Variants in RAD52 observed in about 807,000 individuals in gnomAD.
RAD52 encodes RAD52 DNA repair protein.
Under a neutral mutation model 55.5 loss-of-function variants are expected in RAD52, and 47 were observed. The ratio of observed to expected loss-of-function variants is 0.85; its 90% CI spans 0.67 to 1.08. The LOEUF (loss-of-function observed/expected upper bound fraction) is 1.08. Ranked by LOEUF, RAD52 falls within the 50% of genes least tolerant of loss-of-function variation. RAD52 has a pLI of 0.00. For missense variants in RAD52, 468 were observed against 522.8 expected, an observed-to-expected ratio of 0.90 and a Z score of 1.02; for synonymous variants, 184 against 198.9, an observed-to-expected ratio of 0.92 and a Z score of 0.63.
At chr12:989,826 G>GAGT (rs1283679303) in exon 1 of RAD52, 1 of 152,212 alleles carries the variant, frequency 6.6e-6, no homozygotes, top group Non-Finnish European at 1.5e-5. Flanking sequence ...CACTGCTAGG[G>GAGT]AGTAACAAGA....
intron 1 of RAD52, among the ~76,000 whole-genome samples, chr12:980,820 T>C (rs1592498050): frequency 6.6e-6 from 1 of 152,170 alleles, no homozygotes; most frequent in Non-Finnish European, 1.5e-5. Flanking sequence ...AGGGCTGCCA[T>C]AACAAAATAC....
upstream of RAD52, chr12:990,656 G>T (rs1296414235): frequency 6.6e-6 from 1 of 152,240 alleles, no homozygotes; most frequent in African/African-American, 2.4e-5. Context: ...TTTCGCGGCC[G>T]CGTTCCACGA....
rs1404599390 is a variant in RAD52, at chr12:916,712, G to GT, written c.651dup (p.Gln218ThrfsTer68). On this transcript the variant is annotated frameshift_variant, in exon 8 of 12. Coordinates refer to ENST00000358495, the MANE Select transcript of RAD52 (RefSeq NM_134424.4). LOFTEE classifies it high-confidence loss of function. ...GAAGGGGAGGTCACCTGCTGCAGCT[G>GT]TGGGTGTCCCAGGGCCATGTTCGGT... The GT allele has an allele frequency of 6.8e-6, 11 of 1,614,088 alleles. No individual in the cohort carries two copies. Among genetic ancestry groups the GT allele is most frequent in the Non-Finnish European group, 6.8e-6 (8 of 1,180,046 alleles).
chr12:974,732 GATACTCT>G lies in RAD52; in HGVS notation c.-19+15070_-19+15076del, dbSNP rs759492087. Reference sequence around the variant, plus strand: ...ACATACTAAGTAAGTGATGACCTGTGATACTCTAAGTGTCTTACATGTATTTTCTCAT... The same window carrying G: ...ACATACTAAGTAAGTGATGACCTGTGAAGTGTCTTACATGTATTTTCTCAT... On this transcript the variant is annotated intron_variant, in intron 1 of 11. Transcript: ENST00000430095. 7.9e-5 allele frequency: 12 copies of G among 152,306 alleles called. No homozygotes were observed. In the Middle Eastern group the frequency reaches 0.024, roughly 304 times the overall value. The allele number at this position is 152,306 out of a possible 1,614,324, so 9.4% of individuals were successfully genotyped here.
Position 935,174 on chromosome 12 carries a change from A to G in RAD52, c.-18-2098T>C, listed in dbSNP as rs573803511. Among the ~76,000 whole-genome samples the G allele has an allele frequency of 3.3e-5, 5 of 151,710 alleles. No homozygotes were observed. In the South Asian group the frequency reaches 1.0e-3, roughly 31 times the overall value. On this transcript the variant is annotated intron_variant, in intron 1 of 11. Coordinates refer to ENST00000358495, the MANE Select transcript of RAD52 (RefSeq NM_134424.4). ...ACTTACTGCTCACTACTATATAGGC[A>G]GCATGACCCTGGACACTGTGGGGTC...
At chr12:962,910 T>C (rs556768102) in intron 1 of RAD52, among the ~76,000 whole-genome samples, 72 of 152,094 alleles carry the variant, frequency 4.7e-4, no homozygotes, top group Non-Finnish European at 9.7e-4. Context: ...ATTTTAACTC[T>C]GTTGGAATTT....
intron 1 of RAD52, among the ~76,000 whole-genome samples, chr12:973,666 CAG>C (rs1312234979): frequency 6.6e-6 from 1 of 151,468 alleles, no homozygotes; most frequent in Non-Finnish European, 1.5e-5. Context: ...TTTGTAGAGA[CAG>C]GGGTCTCACC....
chr12:953,607 C>T (rs995448892), upstream of RAD52, among the ~76,000 whole-genome samples: 5 of 152,230 alleles, frequency 3.3e-5, no homozygotes, highest in Non-Finnish European at 7.4e-5. Flanking sequence ...ATAACATGGC[C>T]GTGCCAAGTT....
At chr12:947,901 AAC>A (rs1468542193) in intron 1 of RAD52, among the ~76,000 whole-genome samples, 45 of 129,902 alleles carry the variant, frequency 3.5e-4, no homozygotes, top group Non-Finnish European at 5.3e-4. Context: ...AAAAAAAAAA[AAC>A]AAAAAAAAAA....
intron 1 of RAD52, chr12:976,815 C>T (rs959853617): frequency 6.6e-6 from 1 of 152,134 alleles, no homozygotes; most frequent in South Asian, 2.1e-4. Context: ...GAACAAATGA[C>T]ATCTTTTTGA....
At position 925,522 on chromosome 12, in the gene RAD52, A is replaced by G. The variant is rs750351119; in HGVS notation, c.471T>C (p.Ser157=). The G allele has an allele frequency of 6.2e-7, 1 of 1,612,532 alleles. No homozygotes were observed. The highest frequency in any genetic ancestry group is 2.2e-5 in the East Asian group (1 of 44,866). Residue 157 remains serine, a synonymous_variant, in exon 7 of 12, where the codon AGT becomes AGC. Coordinates refer to ENST00000358495, the MANE Select transcript of RAD52 (RefSeq NM_134424.4). The part of the protein sequence containing the change: ...VTDGLKRALR[S]FGNALGNCIL... The stretch of plus-strand genomic sequence containing the variant: ...TACAGTTTCCAAGTGCATTCCCAAA[A>G]CTCCTAAGGGCAAGAGAAAAAAAGG...
intron 1 of RAD52, chr12:975,454 G>A (rs1958923446): frequency 6.6e-6 from 1 of 152,114 alleles, no homozygotes; most frequent in African/African-American, 2.4e-5. Context: ...AATTTAAAAT[G>A]CTTTAAGAGA....
intron 1 of RAD52, among the ~76,000 whole-genome samples, chr12:985,763 C>T (rs142863179): frequency 6.6e-6 from 1 of 152,234 alleles, no homozygotes; most frequent in East Asian, 1.9e-4. Context: ...CTGCCTCAGC[C>T]TCCCGAGTAG....
intron 1 of RAD52, among the ~76,000 whole-genome samples, chr12:983,591 T>G (rs1959048608): frequency 6.6e-6 from 1 of 152,082 alleles, no homozygotes. Context: ...AGCTAATTTT[T>G]GTATTTTTAG....
intron 1 of RAD52, among the ~76,000 whole-genome samples, chr12:935,591 C>T (rs773730814): frequency 4.6e-5 from 7 of 151,546 alleles, no homozygotes; most frequent in South Asian, 2.1e-4. Flanking sequence ...TGGTGGCTCA[C>T]GCCTGTAATC....
chr12:978,026 ACT>A (rs1958956661), intron 1 of RAD52, among the ~76,000 whole-genome samples: 2 of 152,164 alleles, frequency 1.3e-5, no homozygotes, highest in South Asian at 4.1e-4. Context: ...TGACATTGAC[ACT>A]GATTGATATT....
rs780460890 is a variant in RAD52, at chr12:916,730, T to C, written c.634A>G (p.Met212Val). The C allele has an allele frequency of 3.1e-6, 5 of 1,614,188 alleles. No homozygotes were observed. The Admixed American group carries it at 5.0e-5, about 16-fold the overall frequency. ...TGCAGCTGTGGGTGTCCCAGGGCCA[T>C]GTTCGGTCGGCAGCTGTTGTATCTT... ...EARYNSCRPN[M>V]ALGHPQLQQV... Residue 212 changes from methionine to valine, a missense_variant, in exon 8 of 12, where the codon ATG becomes GTG. Transcript: ENST00000358495.
intron 1 of RAD52, among the ~76,000 whole-genome samples, chr12:933,433 G>A (rs1957445541): frequency 6.7e-6 from 1 of 150,288 alleles, no homozygotes; most frequent in Non-Finnish European, 1.5e-5. Context: ...CTCCAGCCTG[G>A]GCGACAGAGC....
intron 1 of RAD52, among the ~76,000 whole-genome samples, chr12:970,027 G>A (rs1565708773): frequency 1.3e-5 from 2 of 150,992 alleles, no homozygotes; most frequent in African/African-American, 2.5e-5. Context: ...TATAATTTAG[G>A]GCTGGGCGCG....
Sources: allele counts gnomAD v4.1 joint callset (sites outside exome capture counted in the v4.1 genomes callset), GRCh38; gene constraint gnomAD v4.1.1; transcripts MANE v1.5; gene names NCBI Gene and HGNC (gene_info 2026-07-23, HGNC 2026-07-21).